STAU2: variants seen among roughly 807,000 people sequenced by gnomAD.
STAU2 encodes double-stranded RNA-binding protein Staufen homolog 2.
STAU2 carries 20 observed loss-of-function variants against 65.9 expected under a neutral mutation model. The ratio of observed to expected loss-of-function variants is 0.30; its 90% CI spans 0.21 to 0.44. The LOEUF (loss-of-function observed/expected upper bound fraction) is 0.44. Ranked by LOEUF, STAU2 falls within the 20% of genes least tolerant of loss-of-function variation. STAU2 has a pLI of 1.00. For synonymous variants in STAU2, 232 were observed against 233.9 expected, an observed-to-expected ratio of 0.99 and a Z score of 0.07; for missense variants, 558 against 683.9, an observed-to-expected ratio of 0.82 and a Z score of 2.05.
intron 6 of STAU2, among the ~76,000 whole-genome samples, chr8:73,654,683 C>CTTTTTTT (rs764223379): frequency 4.8e-5 from 3 of 62,946 alleles, no homozygotes; most frequent in Admixed American, 7.0e-4. Flanking sequence ...ATTATCAAAC[C>CTTTTTTT]TTTTTTTTTT....
At chr8:73,649,401 A>G (rs1815648821) in intron 6 of STAU2, among the ~76,000 whole-genome samples, 1 of 152,156 alleles carries the variant, frequency 6.6e-6, no homozygotes, top group Admixed American at 6.5e-5. Context: ...CTCAACACAG[A>G]GGTCCAGGTT....
At chr8:73,542,139 G>A (rs1350665098) in intron 13 of STAU2, among the ~76,000 whole-genome samples, 1 of 152,026 alleles carries the variant, frequency 6.6e-6, no homozygotes, top group Non-Finnish European at 1.5e-5. Context: ...ACTCCTACAT[G>A]TACCATAATC....
intron 4 of STAU2, among the ~76,000 whole-genome samples, chr8:73,705,433 T>A: frequency 6.6e-6 from 1 of 152,108 alleles, no homozygotes; most frequent in Non-Finnish European, 1.5e-5. Context: ...ACAATTTACT[T>A]GAAACTTAGC....
In STAU2 at chr8:73,561,285, T is replaced by A. The variant is rs75398845; in HGVS notation, c.1223-8966A>T. Reference sequence around the variant, plus strand: ...CCACTCATCTTAATAATAAGGAAGATTTCACTTAGTTGGCTTATTTAGAAG... The same window carrying A: ...CCACTCATCTTAATAATAAGGAAGAATTCACTTAGTTGGCTTATTTAGAAG... On this transcript the variant is annotated intron_variant, in intron 12 of 14. Transcript: ENST00000524300. The A allele has an allele frequency of 7.0e-5, 23 of 326,538 alleles. No individual in the cohort carries two copies. In the East Asian group the frequency reaches 1.5e-3, roughly 21 times the overall value. The allele number at this position is 326,538 out of a possible 1,614,324, so 20.2% of individuals were successfully genotyped here.
chr8:73,461,881 C>G (rs1038560408), intron 13 of STAU2, among the ~76,000 whole-genome samples: 6 of 152,158 alleles, frequency 3.9e-5, no homozygotes, highest in African/African-American at 1.4e-4. Context: ...CCCCAGCTGT[C>G]TGGTTCTCAG....
chr8:73,743,013 T>C (rs1806991579), intron 1 of STAU2, among the ~76,000 whole-genome samples: 1 of 152,012 alleles, frequency 6.6e-6, no homozygotes. Context: ...ATTTACTATC[T>C]CTACTCTTAG....
At chr8:73,531,648 A>T (rs1029871236) in intron 13 of STAU2, among the ~76,000 whole-genome samples, 3 of 152,230 alleles carry the variant, frequency 2.0e-5, no homozygotes, top group South Asian at 2.1e-4. Context: ...ATTAAAAAAA[A>T]TATGTAAATG....
At position 73,533,567 on chromosome 8, in the gene STAU2, G is replaced by C. The variant is rs201144011; in HGVS notation, c.1530+18445C>G. Among the ~76,000 whole-genome samples the C allele has an allele frequency of 5.3e-5, 8 of 152,234 alleles. No homozygotes were observed. In the East Asian group the frequency reaches 1.5e-3, roughly 29 times the overall value. On this transcript the variant is annotated intron_variant, in intron 13 of 14. Coordinates refer to ENST00000524300, the MANE Select transcript of STAU2 (RefSeq NM_001164380.2). ...TCCTTTTTTCTGAAGGGAAAATCAG[G>C]AAGTATTCATAGAATCACTTGAAAT... is the stretch of plus-strand genomic sequence containing the variant.
At chr8:73,732,887 TAGTACCAGCACCAATGCTAAGCA>T (rs1806166749) in intron 3 of STAU2, 1 of 152,140 alleles carries the variant, frequency 6.6e-6, no homozygotes, top group Non-Finnish European at 1.5e-5. Context: ...TTAATAGCAG[TAGTACCAGCACCAATGCTAAGCA>T]TTTTGCCTTT....
chr8:73,540,553 ATTATT>A (rs1421171445), intron 13 of STAU2, among the ~76,000 whole-genome samples: 4 of 152,204 alleles, frequency 2.6e-5, no homozygotes, highest in Non-Finnish European at 4.4e-5. Context: ...CAAATTTTGA[ATTATT>A]TTATTTGAAC....
chr8:73,607,247 G>C (rs1168615634), intron 9 of STAU2, among the ~76,000 whole-genome samples: 2 of 152,188 alleles, frequency 1.3e-5, no homozygotes, highest in Admixed American at 6.5e-5. Flanking sequence ...TACAAAACTA[G>C]TGATAGAGGT....
chr8:73,573,457 C>G (rs972250029), intron 12 of STAU2, among the ~76,000 whole-genome samples: 3 of 152,162 alleles, frequency 2.0e-5, no homozygotes, highest in Non-Finnish European at 2.9e-5. Flanking sequence ...CAATCCTAAG[C>G]CAAAAGAACA....
intron 13 of STAU2, among the ~76,000 whole-genome samples, chr8:73,423,618 C>T (rs760047110): frequency 3.3e-5 from 5 of 152,184 alleles, no homozygotes; most frequent in African/African-American, 7.2e-5. Context: ...CCTTTGAAAA[C>T]GAGCTAGCTC....
intron 13 of STAU2, among the ~76,000 whole-genome samples, chr8:73,454,831 C>A (rs1186202480): frequency 6.6e-6 from 1 of 152,132 alleles, no homozygotes; most frequent in Non-Finnish European, 1.5e-5. Context: ...ATTTAAATGA[C>A]TTTATAGTAA....
chr8:73,661,631 C>T (rs1158477019), intron 6 of STAU2, among the ~76,000 whole-genome samples: 1 of 152,176 alleles, frequency 6.6e-6, no homozygotes, highest in East Asian at 1.9e-4. Flanking sequence ...CAAAGAACCT[C>T]TTTCTGTCAC....
intron 13 of STAU2, among the ~76,000 whole-genome samples, chr8:73,512,378 T>C (rs1822455039): frequency 6.6e-6 from 1 of 152,198 alleles, no homozygotes; most frequent in Non-Finnish European, 1.5e-5. Context: ...ATCTAATCCA[T>C]GAACATTGAA....
rs1554596359 is a variant in STAU2, at chr8:73,486,611, T to TTTTATA, written c.1531-63910_1531-63909insTATAAA. On this transcript the variant is annotated intron_variant, in intron 13 of 14. Transcript: ENST00000524300. ...TTCTCTTTTTCCTGAAAAATATCCATTATATATATATATATACACATTTAT... is the reference window on the plus strand; with the variant it reads ...TTCTCTTTTTCCTGAAAAATATCCATTTTATATATATATATATATATACACATTTAT... Among the ~76,000 whole-genome samples, 12 of 143,644 alleles carry TTTTATA rather than the reference T, an allele frequency of 8.4e-5. No homozygotes were observed. The South Asian group carries it at 8.7e-4, about 10-fold the overall frequency. The allele number at this position is 143,644 out of a possible 152,430, so 94.2% of individuals were successfully genotyped here. A position where few individuals can be genotyped will look rare whatever the true frequency, so the allele number is the denominator to read the frequency against.
chr8:73,471,644 C>A (rs1028973594), intron 13 of STAU2, among the ~76,000 whole-genome samples: 4 of 151,210 alleles, frequency 2.6e-5, no homozygotes, highest in Non-Finnish European at 4.4e-5. Flanking sequence ...TGTGGTGGAA[C>A]CCTGTCTCTA....
chr8:73,484,124 GTCA>G (rs1230707775), intron 13 of STAU2, among the ~76,000 whole-genome samples: 3 of 152,114 alleles, frequency 2.0e-5, no homozygotes, highest in Non-Finnish European at 2.9e-5. Context: ...TGACCATGAG[GTCA>G]TCAAGTCCCT....
Sources: allele counts gnomAD v4.1 joint callset (sites outside exome capture counted in the v4.1 genomes callset), GRCh38; gene constraint gnomAD v4.1.1; transcripts MANE v1.5; gene names NCBI Gene and HGNC (gene_info 2026-07-23, HGNC 2026-07-21).